The following GALNT17 variants were observed in gnomAD, a reference collection of about 807,000 sequenced individuals.
GALNT17 encodes UDP-GalNAc:polypeptide N-acetylgalactosaminyltransferase-like 3.
Under a neutral mutation model 63.7 loss-of-function variants are expected in GALNT17, and 29 were observed. The ratio of observed to expected loss-of-function variants is 0.46; its 90% CI spans 0.34 to 0.62. GALNT17 has a LOEUF of 0.62. GALNT17 is among the 20% of genes least tolerant of loss of function. GALNT17 has a pLI of 0.01. For synonymous variants in GALNT17, 305 were observed against 318.3 expected (o/e 0.96, Z 0.45); for missense variants, 603 against 799.6 (o/e 0.75, Z 2.97).
At chr7:71,501,673 G>T (rs946938490) in intron 5 of GALNT17, among the ~76,000 whole-genome samples, 2 of 152,038 alleles carry the variant, frequency 1.3e-5, no homozygotes, top group African/African-American at 2.4e-5. Context: ...TTAGTGCAGG[G>T]CAGACAGGCT....
intron 8 of GALNT17, among the ~76,000 whole-genome samples, chr7:71,671,098 TG>T (rs35414231): frequency 0.22 from 33,125 of 152,074 alleles, 5,485 homozygotes; most frequent in East Asian, 0.57. Flanking sequence ...TTGTGTAAGC[TG>T]GGCTTTGCTT....
At chr7:71,552,085 C>T (rs999155710) in intron 5 of GALNT17, among the ~76,000 whole-genome samples, 1 of 151,660 alleles carries the variant, frequency 6.6e-6, no homozygotes, top group Non-Finnish European at 1.5e-5. Context: ...TGGTTTGTCA[C>T]CCAGGCTGGA....
chr7:71,361,376 C>T (rs773948048), intron 2 of GALNT17, among the ~76,000 whole-genome samples: 2 of 152,228 alleles, frequency 1.3e-5, no homozygotes, highest in Admixed American at 6.5e-5. Flanking sequence ...AGTTTTAGCA[C>T]TTGAAACCCA....
chr7:71,525,885 G>A (rs1431293779), intron 5 of GALNT17, among the ~76,000 whole-genome samples: 1 of 151,452 alleles, frequency 6.6e-6, no homozygotes, highest in East Asian at 2.0e-4. Context: ...GACTACAGGT[G>A]TGCACCACCA....
intron 1 of GALNT17, among the ~76,000 whole-genome samples, chr7:71,315,739 A>G (rs562903777): frequency 7.2e-5 from 11 of 152,248 alleles, no homozygotes; most frequent in African/African-American, 2.6e-4. Flanking sequence ...GGTGGGGAAA[A>G]TGTTGAGTGC....
At chr7:71,214,236 C>T (rs11975356) in intron 1 of GALNT17, among the ~76,000 whole-genome samples, 6,397 of 152,242 alleles carry the variant, frequency 0.042, 444 homozygotes, top group African/African-American at 0.14. Context: ...AGGTGCTGGA[C>T]GCACTTAGGT....
At chr7:71,422,979 C>T (rs760221770) in intron 5 of GALNT17, among the ~76,000 whole-genome samples, 2 of 152,268 alleles carry the variant, frequency 1.3e-5, no homozygotes, top group Admixed American at 1.3e-4. Context: ...TCAACTACCC[C>T]TGGCCGAACT....
intron 5 of GALNT17, among the ~76,000 whole-genome samples, chr7:71,570,203 T>G (rs1328460428): frequency 6.6e-6 from 1 of 152,112 alleles, no homozygotes; most frequent in Non-Finnish European, 1.5e-5. Context: ...TATACAAAAA[T>G]AAAATAATCC....
intron 1 of GALNT17, among the ~76,000 whole-genome samples, chr7:71,232,380 C>A (rs569028632): frequency 7.4e-4 from 113 of 152,208 alleles, no homozygotes; most frequent in Non-Finnish European, 1.1e-3. Flanking sequence ...TGCAGCCTTG[C>A]AGAACATGCT....
At chr7:71,229,757 C>T (rs923733768) in intron 1 of GALNT17, among the ~76,000 whole-genome samples, 3 of 152,182 alleles carry the variant, frequency 2.0e-5, no homozygotes, top group African/African-American at 7.2e-5. Flanking sequence ...CCATCTGAGA[C>T]CTGTGAGAAG....
At chr7:71,658,341 T>C (rs1790859929) in intron 6 of GALNT17, among the ~76,000 whole-genome samples, 2 of 152,182 alleles carry the variant, frequency 1.3e-5, no homozygotes, top group African/African-American at 4.8e-5. Flanking sequence ...TCATCTCCCA[T>C]AGTGTGTCTT....
intron 6 of GALNT17, among the ~76,000 whole-genome samples, chr7:71,651,657 A>G (rs1427136773): frequency 6.6e-6 from 1 of 152,188 alleles, no homozygotes; most frequent in Admixed American, 6.5e-5. Context: ...GTCACAAGCT[A>G]TCTATCAGGC....
intron 1 of GALNT17, among the ~76,000 whole-genome samples, chr7:71,251,685 T>C (rs1288502028): frequency 6.6e-6 from 1 of 152,206 alleles, no homozygotes; most frequent in African/African-American, 2.4e-5. Flanking sequence ...ATTACAGGCA[T>C]GAGCCACCAC....
chr7:71,652,666 G>T (rs1238426939), intron 6 of GALNT17, among the ~76,000 whole-genome samples: 1 of 152,192 alleles, frequency 6.6e-6, no homozygotes, highest in African/African-American at 2.4e-5. Flanking sequence ...TGTTATTTAC[G>T]TAATTTATGC....
intron 5 of GALNT17, among the ~76,000 whole-genome samples, chr7:71,492,243 C>T (rs1238520623): frequency 1.3e-5 from 2 of 152,148 alleles, no homozygotes; most frequent in African/African-American, 4.8e-5. Flanking sequence ...CACGCCACTG[C>T]CCTCCAGCCT....
chr7:71,494,047 C>T (rs1788054029), intron 5 of GALNT17, among the ~76,000 whole-genome samples: 1 of 151,812 alleles, frequency 6.6e-6, no homozygotes, highest in South Asian at 2.1e-4. Context: ...GGGTAACTTG[C>T]AAAGGAAAGA....
chr7:71,329,399 T>C (rs371414381), intron 1 of GALNT17, among the ~76,000 whole-genome samples: 3 of 152,334 alleles, frequency 2.0e-5, no homozygotes, highest in African/African-American at 7.2e-5. Flanking sequence ...GACCTATATA[T>C]GTCAGGCTGT....
intron 1 of GALNT17, chr7:71,284,329 TG>T: frequency 6.5e-6 from 1 of 153,662 alleles, no homozygotes; most frequent in Non-Finnish European, 1.4e-5. Context: ...CCCAAGTAGC[TG>T]GGACTACAGG....
chr7:71,477,477 C>G (rs143425779), intron 5 of GALNT17, among the ~76,000 whole-genome samples: 2 of 152,140 alleles, frequency 1.3e-5, no homozygotes, highest in Non-Finnish European at 2.9e-5. Flanking sequence ...GTTGAGGAGA[C>G]GCAAACTGCA....
Sources: allele counts gnomAD v4.1 joint callset (sites outside exome capture counted in the v4.1 genomes callset), GRCh38; gene constraint gnomAD v4.1.1; transcripts MANE v1.5; gene names NCBI Gene and HGNC (gene_info 2026-07-23, HGNC 2026-07-21).